Variants in AGTPBP1 observed in about 807,000 individuals in gnomAD.
The protein encoded by AGTPBP1 is ATP/GTP binding carboxypeptidase 1.
AGTPBP1 carries 70 observed loss-of-function variants against 143.9 expected under a neutral mutation model. The observed-to-expected ratio is 0.49, with a 90% CI of 0.40 to 0.59. The LOEUF (loss-of-function observed/expected upper bound fraction) is 0.59. Ranked by LOEUF, AGTPBP1 falls within the 20% of genes least tolerant of loss-of-function variation. AGTPBP1 has a pLI of 0.00. For synonymous variants in AGTPBP1, 463 were observed against 500.2 expected (o/e 0.93, Z 0.99); for missense variants, 1,229 against 1,464.5 (o/e 0.84, Z 2.62).
intron 2 of AGTPBP1, among the ~76,000 whole-genome samples, chr9:85,693,574 G>C (rs1199638012): frequency 6.6e-6 from 1 of 152,088 alleles, no homozygotes; most frequent in African/African-American, 2.4e-5. Context: ...CTCCAGCCTG[G>C]GCGACAGAGC....
At chr9:85,563,105 C>A (rs772969058) in intron 25 of AGTPBP1, among the ~76,000 whole-genome samples, 2 of 152,230 alleles carry the variant, frequency 1.3e-5, no homozygotes, top group African/African-American at 4.8e-5. Context: ...AAATAGATTT[C>A]TCCTGTTTAT....
At chr9:85,580,240 A>C (rs1331828960) in intron 23 of AGTPBP1, among the ~76,000 whole-genome samples, 2 of 150,666 alleles carry the variant, frequency 1.3e-5, no homozygotes, top group African/African-American at 4.8e-5. Context: ...TCCATCTCAA[A>C]AAAAAAAAAA....
chr9:85,561,179 T>C (rs575408859), intron 25 of AGTPBP1, among the ~76,000 whole-genome samples: 83 of 152,152 alleles, frequency 5.5e-4, no homozygotes, highest in African/African-American at 1.9e-3. Flanking sequence ...CTGGCTAATA[T>C]GGTGAAACCC....
intron 11 of AGTPBP1, among the ~76,000 whole-genome samples, chr9:85,647,338 T>C (rs959686088): frequency 6.6e-6 from 1 of 152,248 alleles, no homozygotes; most frequent in Admixed American, 6.5e-5. Flanking sequence ...CTGGGTTGTA[T>C]GTGGCCCATG....
chr9:85,574,849 C>T (rs1396011753), intron 25 of AGTPBP1, among the ~76,000 whole-genome samples: 1 of 152,082 alleles, frequency 6.6e-6, no homozygotes, highest in African/African-American at 2.4e-5. Context: ...GCTGGGATTA[C>T]AGGCACCCAA....
intron 14 of AGTPBP1, among the ~76,000 whole-genome samples, chr9:85,626,671 G>A (rs1019687837): frequency 2.7e-5 from 4 of 148,142 alleles, no homozygotes; most frequent in African/African-American, 9.7e-5. Flanking sequence ...AGTGGCTACA[G>A]GGGTCAGCAA....
At chr9:85,777,938 C>T in the AGTPBP1 span, among the ~76,000 whole-genome samples, 4 of 152,196 alleles carry the variant, frequency 2.6e-5, no homozygotes, top group African/African-American at 9.7e-5. Context: ...GCTGTAGTGC[C>T]GCAGCTGTCC....
At chr9:85,641,042 G>A (rs1245006108) in intron 13 of AGTPBP1, among the ~76,000 whole-genome samples, 1 of 152,104 alleles carries the variant, frequency 6.6e-6, no homozygotes, top group Non-Finnish European at 1.5e-5. Flanking sequence ...CTCTTCCTTT[G>A]TCCAACGTAT....
the AGTPBP1 span, among the ~76,000 whole-genome samples, chr9:85,799,797 T>G: frequency 6.6e-6 from 1 of 152,086 alleles, no homozygotes; most frequent in Non-Finnish European, 1.5e-5. Flanking sequence ...GGATTACAGG[T>G]GTTAGCCAGT....
At chr9:85,766,128 C>CAA in the AGTPBP1 span, among the ~76,000 whole-genome samples, 2,898 of 131,056 alleles carry the variant, frequency 0.022, 93 homozygotes, top group African/African-American at 0.069. Context: ...TAGAAGAAGC[C>CAA]AAAAAAAAAA....
At chr9:85,722,742 G>T (rs949792243) in intron 1 of AGTPBP1, among the ~76,000 whole-genome samples, 2 of 152,208 alleles carry the variant, frequency 1.3e-5, no homozygotes, top group African/African-American at 4.8e-5. Context: ...TCCTTTGGAG[G>T]AGAAGAGGTG....
intron 25 of AGTPBP1, among the ~76,000 whole-genome samples, chr9:85,565,058 A>T (rs1826995419): frequency 6.6e-6 from 1 of 152,214 alleles, no homozygotes; most frequent in African/African-American, 2.4e-5. Flanking sequence ...CTTGGACTTC[A>T]CAATCTCCAG....
intron 13 of AGTPBP1, among the ~76,000 whole-genome samples, chr9:85,638,563 T>G (rs1009044022): frequency 6.6e-6 from 1 of 152,008 alleles, no homozygotes; most frequent in African/African-American, 2.4e-5. Flanking sequence ...AAAACTCAGA[T>G]TTGGTATTTT....
chr9:85,796,947 C>T, the AGTPBP1 span, among the ~76,000 whole-genome samples: 1,305 of 151,776 alleles, frequency 8.6e-3, 20 homozygotes, highest in African/African-American at 0.029. Flanking sequence ...CCACCACACC[C>T]GCCTAATTTT....
At chr9:85,608,794 C>T (rs1465524640) in intron 17 of AGTPBP1, among the ~76,000 whole-genome samples, 2 of 151,704 alleles carry the variant, frequency 1.3e-5, no homozygotes, top group Non-Finnish European at 2.9e-5. Context: ...ACTCTGGTCA[C>T]AGTGTACTAA....
the AGTPBP1 span, among the ~76,000 whole-genome samples, chr9:85,788,609 C>T: frequency 1.1e-4 from 16 of 149,432 alleles, no homozygotes; most frequent in African/African-American, 3.9e-4. Context: ...GTTGAAGGCA[C>T]TGACCTTTTA....
intron 17 of AGTPBP1, among the ~76,000 whole-genome samples, chr9:85,605,034 A>G (rs891544793): frequency 2.6e-5 from 4 of 152,198 alleles, no homozygotes; most frequent in African/African-American, 9.7e-5. Context: ...ATTGGCCTTA[A>G]AGAGGAGATA....
intron 2 of AGTPBP1, among the ~76,000 whole-genome samples, chr9:85,705,822 C>G (rs530550899): frequency 6.6e-6 from 1 of 152,114 alleles, no homozygotes; most frequent in East Asian, 2.0e-4. Flanking sequence ...TCCCGAGTAG[C>G]TGGGAATACA....
At chr9:85,595,874 T>C (rs1185017517) in intron 18 of AGTPBP1, among the ~76,000 whole-genome samples, 1 of 152,150 alleles carries the variant, frequency 6.6e-6, no homozygotes, top group Non-Finnish European at 1.5e-5. Context: ...ATATTTACAG[T>C]CAAAGATGAA....
Sources: allele counts gnomAD v4.1 joint callset (sites outside exome capture counted in the v4.1 genomes callset), GRCh38; gene constraint gnomAD v4.1.1; transcripts MANE v1.5; gene names NCBI Gene and HGNC (gene_info 2026-07-23, HGNC 2026-07-21).